ASAP1: variants seen among roughly 807,000 people sequenced by gnomAD.
The protein encoded by ASAP1 is arf-GAP with SH3 domain, ANK repeat and PH domain-containing protein 1.
A neutral mutation model predicts 145.2 loss-of-function variants in ASAP1; 43 were observed. The observed-to-expected ratio is 0.30, with a 90% CI of 0.23 to 0.38. ASAP1 has a LOEUF of 0.38. Ranked by LOEUF, ASAP1 falls within the 10% of genes least tolerant of loss-of-function variation. The pLI is 1.00. For missense variants in ASAP1, 1,018 were observed against 1,355.3 expected, an observed-to-expected ratio of 0.75 and a Z score of 3.91; for synonymous variants, 546 against 515.5, an observed-to-expected ratio of 1.06 and a Z score of -0.80.
At chr8:130,351,640 C>A (rs967038535) in intron 3 of ASAP1, among the ~76,000 whole-genome samples, 1 of 151,564 alleles carries the variant, frequency 6.6e-6, no homozygotes, top group Non-Finnish European at 1.5e-5. Context: ...AAAGCAGGGG[C>A]GAGAGAGAGA....
chr8:130,054,668 G>C lies in ASAP1; in HGVS notation c.*63C>G. ...AGCAGCTATATACACACTGTGCCCA[G>C]GGTTACATGAAGGCAGCAGTCTTGC... On this transcript the variant is annotated 3_prime_UTR_variant, in exon 30 of 30. Coordinates refer to ENST00000518721, the MANE Select transcript of ASAP1 (RefSeq NM_018482.4). 1 of 1,431,792 alleles carries C rather than the reference G, an allele frequency of 7.0e-7. No individual in the cohort carries two copies. The highest frequency in any genetic ancestry group is 1.1e-5 in the South Asian group (1 of 87,094). 88.7% of individuals were successfully genotyped at this position (1,431,792 alleles called of 1,614,324 possible). A position where few individuals can be genotyped will look rare whatever the true frequency, so the allele number is the denominator to read the frequency against.
At chr8:130,163,364 A>G (rs2097673618) in intron 11 of ASAP1, among the ~76,000 whole-genome samples, 1 of 152,376 alleles carries the variant, frequency 6.6e-6, no homozygotes, top group South Asian at 2.1e-4. Context: ...TACTAGCTTA[A>G]GTAAACCTTA....
At chr8:130,188,061 A>G in intron 6 of ASAP1, 48 bp downstream of exon 6, 1 of 1,409,618 alleles carries the variant, frequency 7.1e-7, no homozygotes, top group Non-Finnish European at 9.9e-7. Flanking sequence ...GGAAAAAAAA[A>G]ATTAATCCTT....
intron 3 of ASAP1, among the ~76,000 whole-genome samples, chr8:130,260,027 T>C (rs1303183322): frequency 2.0e-5 from 3 of 152,222 alleles, no homozygotes; most frequent in African/African-American, 7.2e-5. Context: ...CCTATTCTTT[T>C]TGAAAAGAAC....
intron 1 of ASAP1, among the ~76,000 whole-genome samples, chr8:130,440,061 C>T (rs1830440120): frequency 6.6e-6 from 1 of 152,140 alleles, no homozygotes; most frequent in African/African-American, 2.4e-5. Context: ...TTGCCTCATT[C>T]CAATGTAATC....
At chr8:130,286,605 G>A (rs1821628938) in intron 3 of ASAP1, among the ~76,000 whole-genome samples, 1 of 152,102 alleles carries the variant, frequency 6.6e-6, no homozygotes, top group Non-Finnish European at 1.5e-5. Context: ...TGCGGTGAGG[G>A]TTTAATGAGT....
intron 3 of ASAP1, among the ~76,000 whole-genome samples, chr8:130,278,038 T>C (rs1821020478): frequency 1.3e-5 from 2 of 148,372 alleles, no homozygotes; most frequent in Admixed American, 6.8e-5. Flanking sequence ...CCCTGTGCCA[T>C]GACAAGAGAC....
chr8:130,309,773 T>C (rs911712458), intron 3 of ASAP1, among the ~76,000 whole-genome samples: 1 of 152,226 alleles, frequency 6.6e-6, no homozygotes, highest in African/African-American at 2.4e-5. Context: ...GAACAGATTT[T>C]GGTTCCTCTA....
chr8:130,280,748 G>A (rs1028718735), intron 3 of ASAP1, among the ~76,000 whole-genome samples: 1 of 152,210 alleles, frequency 6.6e-6, no homozygotes, highest in Non-Finnish European at 1.5e-5. Flanking sequence ...GCTGGGAAGA[G>A]TGCCAAAAGT....
chr8:130,395,301 CT>C (rs1415467168), intron 2 of ASAP1, among the ~76,000 whole-genome samples: 1 of 152,158 alleles, frequency 6.6e-6, no homozygotes, highest in East Asian at 1.9e-4. Flanking sequence ...GACACGTCCT[CT>C]TGCAAAAAGT....
At chr8:130,161,942 A>C (rs2097670060) in intron 11 of ASAP1, among the ~76,000 whole-genome samples, 1 of 152,232 alleles carries the variant, frequency 6.6e-6, no homozygotes, top group African/African-American at 2.4e-5. Context: ...CTGGGACTAC[A>C]GGTGTGTGCT....
At chr8:130,191,953 T>C in intron 5 of ASAP1, among the ~76,000 whole-genome samples, 1 of 152,094 alleles carries the variant, frequency 6.6e-6, no homozygotes, top group African/African-American at 2.4e-5. Flanking sequence ...ATTCTACCTC[T>C]TTACTCTCCC....
At chr8:130,302,595 A>C (rs778271223) in intron 3 of ASAP1, among the ~76,000 whole-genome samples, 2 of 152,226 alleles carry the variant, frequency 1.3e-5, no homozygotes, top group Non-Finnish European at 2.9e-5. Context: ...ATCTGCTGGG[A>C]GCACTAGATT....
At chr8:130,204,873 A>G in intron 5 of ASAP1, among the ~76,000 whole-genome samples, 1 of 152,206 alleles carries the variant, frequency 6.6e-6, no homozygotes, top group East Asian at 1.9e-4. Flanking sequence ...CATGTAAAGT[A>G]CTCAAAGTGC....
chr8:130,427,023 G>A (rs757346415), intron 1 of ASAP1, among the ~76,000 whole-genome samples: 1 of 152,150 alleles, frequency 6.6e-6, no homozygotes, highest in African/African-American at 2.4e-5. Flanking sequence ...AAATATCAAG[G>A]TTCCTAGCTG....
intron 20 of ASAP1, 141 bp from the exon 21 acceptor site, chr8:130,117,136 C>A (rs2097557575): frequency 1.7e-6 from 1 of 602,684 alleles, no homozygotes; most frequent in South Asian, 2.3e-5. Flanking sequence ...ATGTTTCTAA[C>A]CTAGATTTAT....
At chr8:130,266,740 C>A (rs1820268634) in intron 3 of ASAP1, among the ~76,000 whole-genome samples, 1 of 151,706 alleles carries the variant, frequency 6.6e-6, no homozygotes, top group Admixed American at 6.6e-5. Flanking sequence ...AAAATAAAGA[C>A]CTAAATAGTA....
intron 3 of ASAP1, among the ~76,000 whole-genome samples, chr8:130,296,690 G>T (rs1160132617): frequency 6.6e-6 from 1 of 151,774 alleles, no homozygotes; most frequent in Non-Finnish European, 1.5e-5. Context: ...ATTTCTTCTG[G>T]CTTTTCCCCC....
chr8:130,123,206 T>C (rs1226686750), intron 18 of ASAP1, among the ~76,000 whole-genome samples: 2 of 152,208 alleles, frequency 1.3e-5, no homozygotes. Context: ...GTGGGACTGC[T>C]GAGTCAAAGG....
Sources: allele counts gnomAD v4.1 joint callset (sites outside exome capture counted in the v4.1 genomes callset), GRCh38; gene constraint gnomAD v4.1.1; transcripts MANE v1.5; gene names NCBI Gene and HGNC (gene_info 2026-07-23, HGNC 2026-07-21).